Variants in MACROD2 observed in about 807,000 individuals in gnomAD.
MACROD2 encodes the protein mono-ADP ribosylhydrolase 2, also known as ADP-ribose glycohydrolase MACROD2.
MACROD2 carries 36 observed loss-of-function variants against 70.4 expected under a neutral mutation model. That is an observed-to-expected ratio of 0.51 (90% confidence interval 0.39 to 0.68). MACROD2 has a LOEUF of 0.68. Among genes scored for constraint, MACROD2 ranks in the 30% least tolerant of loss-of-function variants. MACROD2 has a pLI of 0.00. For missense variants in MACROD2, 496 were observed against 538.4 expected, an observed-to-expected ratio of 0.92 and a Z score of 0.78; for synonymous variants, 172 against 178.8, an observed-to-expected ratio of 0.96 and a Z score of 0.30.
chr20:15,619,460 G>C (rs976005536), intron 8 of MACROD2: 5 of 267,442 alleles, frequency 1.9e-5, no homozygotes, highest in Admixed American at 5.2e-5. Flanking sequence ...CTCAGGATCT[G>C]GCAGAGCCCC....
rs183618017 is a variant in MACROD2, at chr20:15,987,870, A to G, written c.1153+712A>G. Among the ~76,000 whole-genome samples, 276 of 152,336 alleles carry G rather than the reference A, an allele frequency of 1.8e-3. 2 individuals are homozygous for G. Among genetic ancestry groups the G allele is most frequent in the Non-Finnish European group, 8.1e-4 (55 of 67,996 alleles). On this transcript the variant is annotated intron_variant, in intron 15 of 17. Coordinates refer to ENST00000684519, the MANE Select transcript of MACROD2 (RefSeq NM_001351661.2). ...AAATATAAAGCAATCTCTTAAAAGA[A>G]GCTAATAAAATAATTTTTGTTACAG... is the stretch of plus-strand genomic sequence containing the variant.
At chr20:15,608,847 A>G (rs13041697) in intron 8 of MACROD2, among the ~76,000 whole-genome samples, 1 of 151,528 alleles carries the variant, frequency 6.6e-6, no homozygotes, top group Non-Finnish European at 1.5e-5. Context: ...TTGCTCCTTT[A>G]CCTGATCTGC....
At chr20:15,107,092 T>C (rs927868920) in intron 5 of MACROD2, among the ~76,000 whole-genome samples, 14 of 149,834 alleles carry the variant, frequency 9.3e-5, no homozygotes, top group Non-Finnish European at 1.8e-4. Context: ...GGATTTTGTT[T>C]TTAAACAAGT....
chr20:15,468,884 G>C (rs1441814861), intron 7 of MACROD2, among the ~76,000 whole-genome samples: 2 of 152,112 alleles, frequency 1.3e-5, no homozygotes, highest in Non-Finnish European at 2.9e-5. Context: ...TTAGAAGATG[G>C]AAAAATATTC....
At chr20:14,860,747 C>A (rs905662863) in intron 5 of MACROD2, among the ~76,000 whole-genome samples, 1 of 152,120 alleles carries the variant, frequency 6.6e-6, no homozygotes, top group Non-Finnish European at 1.5e-5. Context: ...GCTGTGACCA[C>A]ACAGCCTAAG....
intron 5 of MACROD2, among the ~76,000 whole-genome samples, chr20:15,010,604 A>G (rs55780727): frequency 6.6e-6 from 1 of 152,254 alleles, no homozygotes; most frequent in Non-Finnish European, 1.5e-5. Flanking sequence ...TCTTCTATTT[A>G]TTTTCTGGGC....
intron 5 of MACROD2, among the ~76,000 whole-genome samples, chr20:15,094,156 T>A (rs969938635): frequency 8.5e-5 from 13 of 152,188 alleles, no homozygotes; most frequent in African/African-American, 3.1e-4. Context: ...AGCTGAAGTG[T>A]CAGTTAGATA....
intron 5 of MACROD2, among the ~76,000 whole-genome samples, chr20:15,088,443 ATATATATAATAT>A (rs2075768747): frequency 4.3e-5 from 2 of 46,356 alleles, no homozygotes; most frequent in South Asian, 4.8e-4. Context: ...ATATATATAT[ATATATATAATAT>A]TTTGTGTGTG....
In MACROD2 at chr20:14,688,903, G is replaced by GT. The variant is rs956908356; in HGVS notation, c.418+3949dup. Among the ~76,000 whole-genome samples, 60 of 152,308 alleles carry GT rather than the reference G, an allele frequency of 3.9e-4. No homozygotes were observed. The Middle Eastern group carries it at 0.01, about 26-fold the overall frequency. ...TCAAGACTTCTTCACCTGAAAAATA[G>GT]TTTTTAAAAACACTTTTGCCTCTAC... On this transcript the variant is annotated intron_variant, in intron 5 of 17. Transcript: ENST00000684519.
At position 14,663,519 on chromosome 20, in the gene MACROD2, T is replaced by TACACAC. The variant is rs10606501; in HGVS notation, c.302-21292_302-21287dup. 5.8e-3 allele frequency among the ~76,000 whole-genome samples: 817 copies of TACACAC among 141,540 alleles called. 1 individual carries two copies. The highest frequency in any genetic ancestry group is 0.013 in the African/African-American group (515 of 38,176). 92.9% of individuals were successfully genotyped at this position (141,540 alleles called of 152,430 possible). ...ATAATAAAAATAAAACAGGGATGTATACACACACACACACACACACACACA... is the reference window on the plus strand; with the variant it reads ...ATAATAAAAATAAAACAGGGATGTATACACACACACACACACACACACACACACACA... On this transcript the variant is annotated intron_variant, in intron 4 of 17. Transcript: ENST00000684519.
chr20:15,521,227 G>A (rs2047648372), intron 8 of MACROD2, among the ~76,000 whole-genome samples: 1 of 152,066 alleles, frequency 6.6e-6, no homozygotes, highest in African/African-American at 2.4e-5. Context: ...ATTAAGAGTG[G>A]GTTGGTTTTC....
intron 6 of MACROD2, among the ~76,000 whole-genome samples, chr20:15,287,950 G>A (rs946981457): frequency 4.6e-5 from 7 of 152,156 alleles, no homozygotes; most frequent in East Asian, 1.9e-4. Flanking sequence ...AAAAGATCAG[G>A]AACACTCTGC....
chr20:14,169,592 C>G (rs1238113143), intron 3 of MACROD2, among the ~76,000 whole-genome samples: 1 of 152,152 alleles, frequency 6.6e-6, no homozygotes, highest in African/African-American at 2.4e-5. Context: ...GTGTGAGCCA[C>G]TGCACCTGGC....
intron 6 of MACROD2, among the ~76,000 whole-genome samples, chr20:15,259,182 T>TAACAACAACAAC (rs145254296): frequency 1.2e-3 from 178 of 151,396 alleles, no homozygotes; most frequent in Middle Eastern, 3.4e-3. Context: ...GGTAATTTTT[T>TAACAACAACAAC]AACAACAACA....
At position 14,306,582 on chromosome 20, in the gene MACROD2, A is replaced by AT. The variant is rs2082522770; in HGVS notation, c.272-186896dup. Among the ~76,000 whole-genome samples, 7 of 152,256 alleles carry AT rather than the reference A, an allele frequency of 4.6e-5. No individual in the cohort carries two copies. The South Asian group carries it at 1.4e-3, about 32-fold the overall frequency. ...ACCTCACAGTAACACAAATTTTAAC[A>AT]TAAGGCAATTGGCAATTGATATTTA... On this transcript the variant is annotated intron_variant, in intron 3 of 17. Coordinates refer to ENST00000684519, the MANE Select transcript of MACROD2 (RefSeq NM_001351661.2).
intron 3 of MACROD2, among the ~76,000 whole-genome samples, chr20:14,322,607 A>C (rs989570234): frequency 6.6e-6 from 1 of 152,180 alleles, no homozygotes; most frequent in African/African-American, 2.4e-5. Context: ...GAAAACAACC[A>C]TAATGGGAAG....
chr20:14,508,304 C>T (rs992633814), intron 4 of MACROD2, among the ~76,000 whole-genome samples: 1 of 152,102 alleles, frequency 6.6e-6, no homozygotes, highest in African/African-American at 2.4e-5. Flanking sequence ...TTTTCCTCTT[C>T]TCTTCTCTTC....
At chr20:15,219,956 G>GAA (rs11482499) in intron 5 of MACROD2, among the ~76,000 whole-genome samples, 1,849 of 106,698 alleles carry the variant, frequency 0.017, 16 homozygotes, top group African/African-American at 0.02. Context: ...ATCATCTCCT[G>GAA]AAAAAAAAAA....
intron 3 of MACROD2, among the ~76,000 whole-genome samples, chr20:14,117,548 G>A (rs1286274335): frequency 6.6e-6 from 1 of 152,122 alleles, no homozygotes; most frequent in East Asian, 1.9e-4. Context: ...TGTTTATATG[G>A]TGCTAGGAAA....
Sources: allele counts gnomAD v4.1 joint callset (sites outside exome capture counted in the v4.1 genomes callset), GRCh38; gene constraint gnomAD v4.1.1; transcripts MANE v1.5; gene names NCBI Gene and HGNC (gene_info 2026-07-23, HGNC 2026-07-21).